KHDRBS2: variants seen among roughly 807,000 people sequenced by gnomAD.
The protein encoded by KHDRBS2 is KH RNA binding domain containing, signal transduction associated 2, also known as KH domain-containing, RNA-binding, signal transduction-associated protein 2.
KHDRBS2 carries 26 observed loss-of-function variants against 44.3 expected under a neutral mutation model. The ratio of observed to expected loss-of-function variants is 0.59; its 90% CI spans 0.43 to 0.81. The LOEUF (loss-of-function observed/expected upper bound fraction) is 0.81. Ranked by LOEUF, KHDRBS2 falls within the 40% of genes least tolerant of loss-of-function variation. KHDRBS2 has a pLI of 0.00. For synonymous variants in KHDRBS2, 194 were observed against 151.1 expected, an observed-to-expected ratio of 1.28 and a Z score of -2.08; for missense variants, 476 against 433.1, an observed-to-expected ratio of 1.10 and a Z score of -0.88.
intron 1 of KHDRBS2, among the ~76,000 whole-genome samples, chr6:62,219,658 T>C (rs374533684): frequency 2.0e-5 from 3 of 151,118 alleles, no homozygotes; most frequent in East Asian, 3.9e-4. Flanking sequence ...TATAGGTTTA[T>C]TTTTCTTAAG....
chr6:61,841,556 T>C (rs553795), intron 6 of KHDRBS2, among the ~76,000 whole-genome samples: 87,204 of 151,990 alleles, frequency 0.57, 25,200 homozygotes, highest in South Asian at 0.68. Context: ...TTATTAGATC[T>C]TTACTAATGA....
At chr6:61,745,647 T>C (rs1387865760) in intron 6 of KHDRBS2, among the ~76,000 whole-genome samples, 1 of 152,092 alleles carries the variant, frequency 6.6e-6, no homozygotes, top group Non-Finnish European at 1.5e-5. Flanking sequence ...AGAAGCCAAC[T>C]TGTGTTTTTC....
chr6:62,263,287 TA>T (rs1838663484), intron 1 of KHDRBS2, among the ~76,000 whole-genome samples: 1 of 149,270 alleles, frequency 6.7e-6, no homozygotes, highest in South Asian at 2.1e-4. Context: ...GAATATGGAA[TA>T]TTTTAATGCT....
intron 6 of KHDRBS2, among the ~76,000 whole-genome samples, chr6:61,869,591 C>G (rs1378771325): frequency 2.6e-5 from 4 of 152,112 alleles, no homozygotes; most frequent in African/African-American, 7.2e-5. Flanking sequence ...AAAATAGGAA[C>G]AGCTCCGGTC....
intron 1 of KHDRBS2, among the ~76,000 whole-genome samples, chr6:62,178,791 T>G (rs1162997299): frequency 6.6e-6 from 1 of 151,558 alleles, no homozygotes; most frequent in Admixed American, 6.6e-5. Flanking sequence ...TCTTAGTCAA[T>G]GTACTAAAAT....
intron 4 of KHDRBS2, among the ~76,000 whole-genome samples, chr6:61,950,566 C>T (rs1364081026): frequency 6.6e-6 from 1 of 151,798 alleles, no homozygotes; most frequent in East Asian, 1.9e-4. Context: ...TGTATATTTT[C>T]CATGTAATTC....
chr6:61,737,591 A>G (rs571337837), intron 6 of KHDRBS2, among the ~76,000 whole-genome samples: 1 of 152,230 alleles, frequency 6.6e-6, no homozygotes, highest in African/African-American at 2.4e-5. Flanking sequence ...TGCATAAATC[A>G]GATCGTTTTC....
intron 6 of KHDRBS2, among the ~76,000 whole-genome samples, chr6:61,804,730 G>A (rs1582926844): frequency 6.6e-6 from 1 of 152,220 alleles, no homozygotes; most frequent in Non-Finnish European, 1.5e-5. Context: ...TGAAGCAACA[G>A]TCTGACCTGT....
At chr6:61,543,260 C>T in the KHDRBS2 span, among the ~76,000 whole-genome samples, 1 of 151,828 alleles carries the variant, frequency 6.6e-6, no homozygotes, top group Non-Finnish European at 1.5e-5. Context: ...AAAAACTCTA[C>T]AGGAAAAAAT....
At chr6:61,717,557 A>T (rs558335353) in intron 7 of KHDRBS2, among the ~76,000 whole-genome samples, 1 of 152,098 alleles carries the variant, frequency 6.6e-6, no homozygotes, top group Non-Finnish European at 1.5e-5. Context: ...GCATTGAGAC[A>T]TTAGAGAAAT....
chr6:62,127,419 G>A (rs188189116), intron 2 of KHDRBS2, among the ~76,000 whole-genome samples: 5 of 152,184 alleles, frequency 3.3e-5, no homozygotes, highest in African/African-American at 1.2e-4. Context: ...CGAGGCAAAT[G>A]AAGATTAAAA....
intron 6 of KHDRBS2, among the ~76,000 whole-genome samples, chr6:61,802,442 C>T (rs1398526473): frequency 2.6e-5 from 4 of 152,140 alleles, no homozygotes; most frequent in Admixed American, 2.6e-4. Context: ...ATTTACCATA[C>T]ATCAGTAGGG....
At chr6:62,209,644 G>A (rs907792560) in intron 1 of KHDRBS2, among the ~76,000 whole-genome samples, 4 of 152,126 alleles carry the variant, frequency 2.6e-5, no homozygotes, top group African/African-American at 9.7e-5. Flanking sequence ...GTTGCCAAGG[G>A]AGATTACATT....
At chr6:61,916,503 C>A (rs1258993269) in intron 4 of KHDRBS2, among the ~76,000 whole-genome samples, 1 of 151,874 alleles carries the variant, frequency 6.6e-6, no homozygotes, top group East Asian at 1.9e-4. Flanking sequence ...TTTATCATTG[C>A]TATCAATGCA....
chr6:62,004,715 G>A (rs1433650503), intron 3 of KHDRBS2, among the ~76,000 whole-genome samples: 1 of 151,986 alleles, frequency 6.6e-6, no homozygotes, highest in Non-Finnish European at 1.5e-5. Flanking sequence ...AACAAAAAAA[G>A]AGAATTTTAG....
the KHDRBS2 span, among the ~76,000 whole-genome samples, chr6:61,573,219 A>C: frequency 1.1e-4 from 16 of 152,270 alleles, no homozygotes; most frequent in African/African-American, 3.6e-4. Context: ...CCCTTTTACA[A>C]CAGCTGCAAA....
chr6:62,135,978 G>A (rs1259281665), intron 2 of KHDRBS2, among the ~76,000 whole-genome samples: 1 of 151,788 alleles, frequency 6.6e-6, no homozygotes, highest in Non-Finnish European at 1.5e-5. Context: ...AGAGATCTAA[G>A]GTATAGCAAG....
chr6:62,257,362 T>C (rs1466097999), intron 1 of KHDRBS2, among the ~76,000 whole-genome samples: 1 of 152,054 alleles, frequency 6.6e-6, no homozygotes, highest in Non-Finnish European at 1.5e-5. Context: ...ACTGATTCCT[T>C]CTTTTGTATA....
chr6:62,207,234 G>A (rs1828142138), intron 1 of KHDRBS2, among the ~76,000 whole-genome samples: 1 of 151,908 alleles, frequency 6.6e-6, no homozygotes, highest in South Asian at 2.1e-4. Context: ...AAATGATAAA[G>A]CATTATATAA....
Sources: gnomAD v4.1 joint callset for allele counts (sites outside exome capture counted in the v4.1 genomes callset) on GRCh38, gnomAD v4.1.1 for gene constraint, MANE v1.5 for transcripts, NCBI Gene and HGNC (gene_info 2026-07-23, HGNC 2026-07-21) for gene names.